HAUS1: variants seen among roughly 807,000 people sequenced by gnomAD.
HAUS1 encodes HAUS augmin-like complex subunit 1.
A neutral mutation model predicts 38.6 loss-of-function variants in HAUS1; 25 were observed. The observed-to-expected ratio is 0.65, with a 90% confidence interval of 0.47 to 0.91. The LOEUF is 0.91. Ranked by LOEUF, HAUS1 falls within the 40% of genes least tolerant of loss-of-function variation. The pLI, the probability that HAUS1 is intolerant of heterozygous loss-of-function variation, is 0.00. For synonymous variants in HAUS1, 109 were observed against 112.9 expected (o/e 0.97, Z 0.22); for missense variants, 325 against 328.4 (o/e 0.99, Z 0.08).
intron 2 of HAUS1, among the ~76,000 whole-genome samples, chr18:46,112,986 A>AATATGGAAT (rs1568263579): frequency 1.2e-5 from 1 of 84,402 alleles, no homozygotes; most frequent in Non-Finnish European, 2.2e-5. Context: ...TTATATATAT[A>AATATGGAAT]ATATATATTC....
At chr18:46,120,639 G>A (rs1911912343) in intron 4 of HAUS1, among the ~76,000 whole-genome samples, 1 of 151,496 alleles carries the variant, frequency 6.6e-6, no homozygotes, top group South Asian at 2.1e-4. Flanking sequence ...AGGCTGGAGT[G>A]CAATGGTGCA....
At position 46,111,091 on chromosome 18, in the gene HAUS1, T is replaced by A. The variant is rs555468062; in HGVS notation, c.205+5723T>A. 3.3e-5 allele frequency among the ~76,000 whole-genome samples: 5 copies of A among 152,058 alleles called. No homozygotes were observed. In the South Asian group the frequency reaches 1.0e-3, roughly 32 times the overall value. On this transcript the variant is annotated intron_variant, in intron 2 of 8. Coordinates refer to ENST00000282058, the MANE Select transcript of HAUS1 (RefSeq NM_138443.4). ...CAGGGTTTCTCCGTGTTAGCCAGAA[T>A]GGTCTTGATCTCCTGATCCATCCAC...
At chr18:46,111,481 C>T (rs1251503751) in intron 2 of HAUS1, among the ~76,000 whole-genome samples, 1 of 152,120 alleles carries the variant, frequency 6.6e-6, no homozygotes, top group Non-Finnish European at 1.5e-5. Flanking sequence ...TTCACCACAC[C>T]TGGCTAATTT....
intron 2 of HAUS1, 82 bp from the exon 3 acceptor site, chr18:46,118,099 C>T: frequency 7.5e-7 from 1 of 1,335,692 alleles, no homozygotes; most frequent in Non-Finnish European, 1.1e-6. Flanking sequence ...GGATTATATG[C>T]TATGTGAATT....
rs147895912 is a variant in HAUS1, at chr18:46,119,967, G to T, written c.383G>T (p.Arg128Leu). The change falls in exon 4 of 9, where the codon CGT becomes CTT. Residue 128 changes from arginine (R) to leucine (L), a missense_variant. Transcript: ENST00000282058. ...AVNDLTSDLF[R>L]TKSKSEEIKI... ...AATGATTTGACCTCTGATCTCTTTC[G>T]TACCAAATCCAAAAGTGAAGAAATC... 1 of 1,608,470 alleles carries T rather than the reference G, an allele frequency of 6.2e-7. No homozygotes were observed. Among genetic ancestry groups the T allele is most frequent in the Non-Finnish European group, 8.5e-7 (1 of 1,177,888 alleles).
chr18:46,124,012 G>T (rs983739833), intron 6 of HAUS1, among the ~76,000 whole-genome samples: 1 of 151,996 alleles, frequency 6.6e-6, no homozygotes, highest in African/African-American at 2.4e-5. Context: ...AAGTGCTGGG[G>T]TTAGAAGTGT....
chr18:46,114,574 A>C (rs1327233604), intron 2 of HAUS1, among the ~76,000 whole-genome samples: 4 of 152,154 alleles, frequency 2.6e-5, no homozygotes, highest in Non-Finnish European at 5.9e-5. Context: ...TTACTCAAGG[A>C]GCTTCCATTC....
chr18:46,123,472 T>C, intron 6 of HAUS1, 108 bp downstream of exon 6: 1 of 775,322 alleles, frequency 1.3e-6, no homozygotes, highest in Non-Finnish European at 2.2e-6. Flanking sequence ...ACCTGATTTC[T>C]TTTCCTTTAC....
intron 2 of HAUS1, among the ~76,000 whole-genome samples, chr18:46,116,747 T>TCA (rs2144257077): frequency 6.6e-6 from 1 of 152,192 alleles, no homozygotes; most frequent in Admixed American, 6.5e-5. Flanking sequence ...GCACAGTGGC[T>TCA]CACGCCTGTA....
chr18:46,122,305 T>TAAAAAA (rs34707743), intron 4 of HAUS1, among the ~76,000 whole-genome samples, 162 bp from the exon 5 acceptor site: 1 of 140,360 alleles, frequency 7.1e-6, no homozygotes. Flanking sequence ...CCTCATCTCT[T>TAAAAAA]AAAAAAAAAA....
intron 1 of HAUS1, 54 bp downstream of exon 1, chr18:46,104,495 C>A: frequency 2.1e-6 from 3 of 1,397,868 alleles, no homozygotes; most frequent in African/African-American, 1.5e-5. Flanking sequence ...GTTTTTGACA[C>A]CCCCGCGCCG....
In HAUS1 at chr18:46,123,319, C is replaced by T; in HGVS notation, c.621C>T (p.Gly207=). ...TGTAGGAGCAACTTTCAGCCAGAGGCATGGATGCTTCTCTGTCTCATCAGT... is the reference window on the plus strand; with the variant it reads ...TGTAGGAGCAACTTTCAGCCAGAGGTATGGATGCTTCTCTGTCTCATCAGT... ...KAAEEQLSAR[G]MDASLSHQSL... The change falls in exon 6 of 9, where the codon GGC becomes GGT. Residue 207 remains glycine, a synonymous_variant. Transcript: ENST00000282058. 1 of 1,612,042 alleles carries T rather than the reference C, an allele frequency of 6.2e-7. No individual in the cohort carries two copies. The highest frequency in any genetic ancestry group is 8.5e-7 in the Non-Finnish European group (1 of 1,178,596).
At chr18:46,112,985 TA>T (rs1464385828) in intron 2 of HAUS1, among the ~76,000 whole-genome samples, 17 of 40,526 alleles carry the variant, frequency 4.2e-4, no homozygotes, top group South Asian at 1.3e-3. Context: ...ATTATATATA[TA>T]ATATATATTC....
Position 46,122,605 on chromosome 18 carries a change from C to T in HAUS1, c.600+15C>T. 2 of 1,613,814 alleles carry T rather than the reference C, an allele frequency of 1.2e-6. No homozygotes were observed. Among genetic ancestry groups the T allele is most frequent in the Non-Finnish European group, 1.7e-6 (2 of 1,179,816 alleles). ...AGGCTGCAGAGGTTTGTATGAAGGA[C>T]CGAATATAGTTAGCTCTCTTCGGCC... On this transcript the variant is annotated intron_variant, in intron 5 of 8. Coordinates refer to ENST00000282058, the MANE Select transcript of HAUS1 (RefSeq NM_138443.4).
At chr18:46,115,407 C>T (rs1376187465) in intron 2 of HAUS1, among the ~76,000 whole-genome samples, 75 of 149,054 alleles carry the variant, frequency 5.0e-4, no homozygotes, top group Admixed American at 1.1e-3. Context: ...TGCAGTGAGC[C>T]GAGATTGTGC....
At chr18:46,115,788 T>G (rs891554561) in intron 2 of HAUS1, among the ~76,000 whole-genome samples, 1 of 152,096 alleles carries the variant, frequency 6.6e-6, no homozygotes, top group African/African-American at 2.4e-5. Context: ...TCATCAAAAT[T>G]TAAAACTTTT....
intron 2 of HAUS1, among the ~76,000 whole-genome samples, chr18:46,108,871 A>T (rs904275007): frequency 7.9e-5 from 12 of 152,090 alleles, no homozygotes; most frequent in African/African-American, 2.9e-4. Context: ...GGCGATCAAG[A>T]CCATCCTGGC....
chr18:46,114,038 A>C (rs1911741332), intron 2 of HAUS1, among the ~76,000 whole-genome samples: 1 of 152,222 alleles, frequency 6.6e-6, no homozygotes, highest in South Asian at 2.1e-4. Context: ...TGTTTTCAAC[A>C]ATGCCCTGGG....
intron 3 of HAUS1, chr18:46,118,605 G>A: frequency 4.2e-6 from 1 of 239,960 alleles, no homozygotes; most frequent in Non-Finnish European, 8.0e-6. Flanking sequence ...AAAGATAGTA[G>A]GCTAAATGAT....
Sources: gnomAD v4.1 joint callset for allele counts (sites outside exome capture counted in the v4.1 genomes callset) on GRCh38, gnomAD v4.1.1 for gene constraint, MANE v1.5 for transcripts, NCBI Gene and HGNC (gene_info 2026-07-23, HGNC 2026-07-21) for gene names.